Variants in SUMF1 observed in about 807,000 individuals in gnomAD.
SUMF1 encodes the protein sulfatase modifying factor 1.
A neutral mutation model predicts 47.6 loss-of-function variants in SUMF1; 48 were observed. The observed-to-expected ratio is 1.01, with a 90% CI of 0.80 to 1.28. The LOEUF is 1.28. Among genes scored for constraint, SUMF1 ranks in the 50% most tolerant of loss-of-function variants. The pLI is 0.00. For missense variants in SUMF1, 571 were observed against 485.4 expected (o/e 1.18, Z -1.66); for synonymous variants, 230 against 192.1 (o/e 1.20, Z -1.63).
At chr3:4,292,399 A>C (rs1306611062) in intron 8 of SUMF1, among the ~76,000 whole-genome samples, 1 of 152,228 alleles carries the variant, frequency 6.6e-6, no homozygotes, top group Non-Finnish European at 1.5e-5. Context: ...GATGCAGTAC[A>C]TGACAAGAAG....
chr3:4,145,391 A>T (rs1694170708), intron 8 of SUMF1, among the ~76,000 whole-genome samples: 1 of 151,912 alleles, frequency 6.6e-6, no homozygotes, highest in Non-Finnish European at 1.5e-5. Context: ...GAACTCAGAG[A>T]CCCCATTACT....
intron 8 of SUMF1, among the ~76,000 whole-genome samples, chr3:4,301,633 A>G (rs961838298): frequency 6.6e-6 from 1 of 152,240 alleles, no homozygotes; most frequent in African/African-American, 2.4e-5. Flanking sequence ...GTCCTTAGCT[A>G]TATGAGTCTA....
intron 8 of SUMF1, among the ~76,000 whole-genome samples, chr3:4,325,173 C>T (rs190823952): frequency 6.6e-6 from 1 of 152,216 alleles, no homozygotes; most frequent in African/African-American, 2.4e-5. Context: ...TGCTAAAATT[C>T]AAAATGAGAT....
chr3:4,135,151 C>T (rs1693894970), intron 8 of SUMF1, among the ~76,000 whole-genome samples: 1 of 152,046 alleles, frequency 6.6e-6, no homozygotes, highest in African/African-American at 2.4e-5. Flanking sequence ...ATACCAAAGC[C>T]TGGCAGAGAC....
intron 8 of SUMF1, among the ~76,000 whole-genome samples, chr3:4,197,857 C>A (rs530805309): frequency 6.6e-6 from 1 of 152,110 alleles, no homozygotes; most frequent in African/African-American, 2.4e-5. Context: ...TGCTTCAACT[C>A]CAACTGTGAT....
chr3:4,317,450 A>G, intron 8 of SUMF1: 1 of 507,578 alleles, frequency 2.0e-6, no homozygotes. Context: ...TGGGAGGCCC[A>G]GGCGGGCAGA....
At chr3:4,047,717 A>AATTAAATT (rs1695030206) in intron 9 of SUMF1, among the ~76,000 whole-genome samples, 1 of 152,048 alleles carries the variant, frequency 6.6e-6, no homozygotes, top group Non-Finnish European at 1.5e-5. Context: ...CTCAAAGGAG[A>AATTAAATT]CAGTAAATCT....
rs568527801 is a variant in SUMF1 at position 4,420,185 on chromosome 3, C to CATCAACTCTAGAAAAAT, written c.520-56_520-40dup. 2.5e-3 allele frequency: 3,848 copies of CATCAACTCTAGAAAAAT among 1,524,646 alleles called. 110 individuals are homozygous for CATCAACTCTAGAAAAAT. In the African/African-American group the frequency reaches 0.046, roughly 18 times the overall value. The allele number at this position is 1,524,646 out of a possible 1,614,324, so 94.4% of individuals were successfully genotyped here. A position where few individuals can be genotyped will look rare whatever the true frequency, so the allele number is the denominator to read the frequency against. On this transcript the variant is annotated intron_variant, in intron 3 of 8. Coordinates refer to ENST00000272902, the MANE Select transcript of SUMF1 (RefSeq NM_182760.4). ...AGAACAGGCTGATGTTAGCTACTAA[C>CATCAACTCTAGAAAAAT]ATCAACTCTAGAAAAATATCAACTC...
chr3:4,074,563 G>A (rs747014021), intron 8 of SUMF1, among the ~76,000 whole-genome samples: 20 of 151,826 alleles, frequency 1.3e-4, no homozygotes, highest in Non-Finnish European at 2.6e-4. Flanking sequence ...CTGGTTTTTT[G>A]GAAAGATCAA....
At chr3:4,415,162 G>A (rs994132645) in intron 6 of SUMF1, among the ~76,000 whole-genome samples, 3 of 149,938 alleles carry the variant, frequency 2.0e-5, no homozygotes, top group Non-Finnish European at 4.4e-5. Context: ...AGGAGGCGGA[G>A]GTTGGAGTGA....
intron 8 of SUMF1, among the ~76,000 whole-genome samples, chr3:4,307,699 A>C (rs1021098761): frequency 3.3e-5 from 5 of 152,180 alleles, no homozygotes; most frequent in Non-Finnish European, 2.9e-5. Flanking sequence ...GCTTTGATAC[A>C]TACGAAGAAA....
At chr3:4,176,643 T>C (rs1040842964) in intron 8 of SUMF1, among the ~76,000 whole-genome samples, 15 of 152,078 alleles carry the variant, frequency 9.9e-5, no homozygotes, top group Non-Finnish European at 1.3e-4. Context: ...ACAGGCAAAA[T>C]AACCAGTCAA....
At chr3:4,147,587 T>C (rs970938414) in intron 8 of SUMF1, among the ~76,000 whole-genome samples, 2 of 152,204 alleles carry the variant, frequency 1.3e-5, no homozygotes, top group Non-Finnish European at 2.9e-5. Flanking sequence ...GAATTTATGG[T>C]CTTTTTCTAG....
intron 8 of SUMF1, among the ~76,000 whole-genome samples, chr3:4,257,674 T>C (rs1408516090): frequency 1.3e-5 from 2 of 149,466 alleles, no homozygotes; most frequent in Non-Finnish European, 3.0e-5. Context: ...ATCATGAAAA[T>C]GGCCATACTG....
chr3:4,368,029 T>C (rs1700037564), intron 8 of SUMF1, among the ~76,000 whole-genome samples: 1 of 151,898 alleles, frequency 6.6e-6, no homozygotes. Context: ...CAAAAGAAAC[T>C]ACCATCAGAG....
At chr3:4,127,664 T>C (rs540176454) in intron 8 of SUMF1, among the ~76,000 whole-genome samples, 6 of 152,128 alleles carry the variant, frequency 3.9e-5, no homozygotes, top group Admixed American at 2.6e-4. Flanking sequence ...GAGTTAATAC[T>C]TAATAAACCC....
At chr3:4,405,154 G>A (rs1701335501) in intron 7 of SUMF1, among the ~76,000 whole-genome samples, 3 of 152,162 alleles carry the variant, frequency 2.0e-5, no homozygotes, top group Non-Finnish European at 2.9e-5. Flanking sequence ...GTGAGTCCAT[G>A]CCCTAAGTCC....
rs1487458891 is a variant in SUMF1 at position 4,258,416 on chromosome 3, G to GA, written c.1014+117913dup. 5.7e-5 allele frequency among the ~76,000 whole-genome samples: 8 copies of GA among 139,626 alleles called. No homozygotes were observed. The East Asian group carries it at 9.8e-4, about 17-fold the overall frequency. The allele number at this position is 139,626 out of a possible 152,430, so 91.6% of individuals were successfully genotyped here. On this transcript the variant is annotated intron_variant and NMD_transcript_variant, in intron 8 of 12. Transcript: ENST00000448413. ...ACAATGAACTCAAACAAATTTACAA[G>GA]AAAAAAACAAACAACCCCATCAAAA...
intron 8 of SUMF1, among the ~76,000 whole-genome samples, chr3:4,221,593 A>G (rs1290553210): frequency 6.6e-6 from 1 of 152,046 alleles, no homozygotes; most frequent in Non-Finnish European, 1.5e-5. Context: ...ATCCATTACA[A>G]TGTGGACCTA....
Sources: gnomAD v4.1 joint callset for allele counts (sites outside exome capture counted in the v4.1 genomes callset) on GRCh38, gnomAD v4.1.1 for gene constraint, MANE v1.5 for transcripts, NCBI Gene and HGNC (gene_info 2026-07-23, HGNC 2026-07-21) for gene names.